The following EXT1 variants were observed in gnomAD, a reference collection of about 807,000 sequenced individuals.
The protein encoded by EXT1 is exostosin glycosyltransferase 1.
Under a neutral mutation model 82.5 loss-of-function variants are expected in EXT1, and 20 were observed. The observed-to-expected ratio is 0.24, with a 90% CI of 0.17 to 0.35. EXT1 has a LOEUF of 0.35. EXT1 is among the 10% of genes least tolerant of loss of function. EXT1 has a pLI of 1.00. For missense variants in EXT1, 757 were observed against 936.5 expected, an observed-to-expected ratio of 0.81 and a Z score of 2.50; for synonymous variants, 348 against 350.8, an observed-to-expected ratio of 0.99 and a Z score of 0.09.
At chr8:117,841,311 T>C (rs1361639906) in intron 1 of EXT1, among the ~76,000 whole-genome samples, 1 of 152,116 alleles carries the variant, frequency 6.6e-6, no homozygotes, top group Non-Finnish European at 1.5e-5. Context: ...CCCTCGAAAG[T>C]GTACATACTG....
chr8:117,941,137 C>T (rs1409993665), intron 1 of EXT1, among the ~76,000 whole-genome samples: 2 of 152,142 alleles, frequency 1.3e-5, no homozygotes, highest in Admixed American at 6.5e-5. Context: ...AACCCCGTCT[C>T]GGGACTCCTC....
intron 1 of EXT1, among the ~76,000 whole-genome samples, chr8:117,868,343 G>A (rs1812810113): frequency 6.6e-6 from 1 of 152,196 alleles, no homozygotes; most frequent in Non-Finnish European, 1.5e-5. Flanking sequence ...CTAAGTATAA[G>A]CCACAAGCAC....
rs1442064023 is a variant in EXT1, at chr8:117,796,629, C to T, written c.*3083G>A. 2 of 152,146 alleles carry T rather than the reference C, an allele frequency of 1.3e-5. No homozygotes were observed. The highest frequency in any genetic ancestry group is 2.9e-5 in the Non-Finnish European group (2 of 68,024). 9.4% of individuals were successfully genotyped at this position (152,146 alleles called of 1,614,324 possible). A position where few individuals can be genotyped will look rare whatever the true frequency, so the allele number is the denominator to read the frequency against. ...CACAAGAAGAAATTAAACTGTAATG[C>T]ACATAAGATTCCAGTAACAAGCTTT... On this transcript the variant is annotated 3_prime_UTR_variant, in exon 11 of 11. Coordinates refer to ENST00000378204, the MANE Select transcript of EXT1 (RefSeq NM_000127.3).
At chr8:117,998,934 C>T (rs192367038) in intron 1 of EXT1, among the ~76,000 whole-genome samples, 104 of 152,256 alleles carry the variant, frequency 6.8e-4, no homozygotes, top group African/African-American at 2.2e-3. Flanking sequence ...ACCACTAACA[C>T]GCCAGAGTTC....
At chr8:117,979,131 G>A (rs1439507329) in intron 1 of EXT1, among the ~76,000 whole-genome samples, 1 of 152,082 alleles carries the variant, frequency 6.6e-6, no homozygotes, top group Non-Finnish European at 1.5e-5. Flanking sequence ...GAGGCAGACA[G>A]ATCATGAGGT....
intron 1 of EXT1, among the ~76,000 whole-genome samples, chr8:117,949,477 C>A (rs1178691702): frequency 6.7e-6 from 1 of 149,470 alleles, no homozygotes; most frequent in Non-Finnish European, 1.5e-5. Flanking sequence ...TATACACACA[C>A]ATACACACAT....
chr8:117,820,519 T>C (rs1328192625), intron 5 of EXT1, among the ~76,000 whole-genome samples: 1 of 152,014 alleles, frequency 6.6e-6, no homozygotes, highest in Non-Finnish European at 1.5e-5. Flanking sequence ...TGAAATTCCG[T>C]CACTACTAAA....
At chr8:118,103,754 C>G (rs1195597205) in intron 1 of EXT1, among the ~76,000 whole-genome samples, 1 of 152,028 alleles carries the variant, frequency 6.6e-6, no homozygotes, top group Non-Finnish European at 1.5e-5. Context: ...TTAGAAGAAC[C>G]CTAGGAGAGA....
intron 1 of EXT1, among the ~76,000 whole-genome samples, chr8:117,992,539 G>C (rs1354375781): frequency 1.3e-5 from 2 of 150,164 alleles, no homozygotes; most frequent in Non-Finnish European, 2.9e-5. Context: ...CCACTCCTCA[G>C]AGACCCATGA....
intron 7 of EXT1, 111 bp from the exon 8 acceptor site, chr8:117,813,072 C>T: frequency 1.2e-6 from 1 of 832,396 alleles, no homozygotes; most frequent in Non-Finnish European, 2.0e-6. Context: ...GAATGCGCTA[C>T]TATCATGTCA....
chr8:117,934,709 T>A (rs751254605), intron 1 of EXT1, among the ~76,000 whole-genome samples: 3 of 152,232 alleles, frequency 2.0e-5, no homozygotes, highest in Admixed American at 6.5e-5. Flanking sequence ...CAGAACTGTT[T>A]CACACCTCAG....
intron 1 of EXT1, among the ~76,000 whole-genome samples, chr8:117,902,363 C>CTATG (rs1261214195): frequency 6.6e-6 from 1 of 152,196 alleles, no homozygotes; most frequent in Non-Finnish European, 1.5e-5. Flanking sequence ...TTAGCAAGTA[C>CTATG]TATGTACTGT....
intron 1 of EXT1, among the ~76,000 whole-genome samples, chr8:118,107,165 T>C (rs948874200): frequency 9.2e-5 from 14 of 152,224 alleles, no homozygotes; most frequent in Non-Finnish European, 1.6e-4. Context: ...TACTCTATAT[T>C]TGTATATACT....
intron 1 of EXT1, among the ~76,000 whole-genome samples, chr8:117,861,950 A>T (rs1812694674): frequency 6.9e-6 from 1 of 145,560 alleles, no homozygotes. Flanking sequence ...AACGGTGAAA[A>T]CTGATGTTAA....
intron 1 of EXT1, among the ~76,000 whole-genome samples, chr8:117,969,713 G>A (rs1351364133): frequency 2.0e-5 from 3 of 152,228 alleles, no homozygotes; most frequent in African/African-American, 7.2e-5. Context: ...ACGCGTGTAT[G>A]TGCATGCACA....
chr8:117,893,395 A>G (rs1054363034), intron 1 of EXT1, among the ~76,000 whole-genome samples: 1 of 152,230 alleles, frequency 6.6e-6, no homozygotes, highest in Middle Eastern at 3.2e-3. Context: ...CACTGTTAAT[A>G]CCACAGGGTT....
At chr8:118,041,681 G>GGAAT (rs1444918018) in intron 1 of EXT1, among the ~76,000 whole-genome samples, 1 of 144,728 alleles carries the variant, frequency 6.9e-6, no homozygotes, top group East Asian at 2.0e-4. Flanking sequence ...AAGGAAGGAA[G>GGAAT]GAAGGAAGGA....
At chr8:118,059,252 G>C (rs528066066) in intron 1 of EXT1, among the ~76,000 whole-genome samples, 8 of 152,250 alleles carry the variant, frequency 5.3e-5, no homozygotes, top group East Asian at 3.9e-4. Context: ...TATTTGTAGA[G>C]TACACTGAAT....
At chr8:117,868,744 T>C (rs1400052264) in intron 1 of EXT1, among the ~76,000 whole-genome samples, 1 of 152,110 alleles carries the variant, frequency 6.6e-6, no homozygotes. Flanking sequence ...GACAAGTCAG[T>C]GCCGGTAGTA....
Sources: allele counts gnomAD v4.1 joint callset (sites outside exome capture counted in the v4.1 genomes callset), GRCh38; gene constraint gnomAD v4.1.1; transcripts MANE v1.5; gene names NCBI Gene and HGNC (gene_info 2026-07-23, HGNC 2026-07-21).